Variants in DCC observed in about 807,000 individuals in gnomAD.
DCC encodes netrin receptor DCC.
A neutral mutation model predicts 172.5 loss-of-function variants in DCC; 58 were observed. The observed-to-expected ratio is 0.34, with a 90% CI of 0.27 to 0.42. DCC has a LOEUF of 0.42. DCC is among the 10% of genes least tolerant of loss of function. DCC has a pLI of 1.00. For synonymous variants in DCC, 709 were observed against 644.5 expected, an observed-to-expected ratio of 1.10 and a Z score of -1.52; for missense variants, 1,740 against 1,791.0, an observed-to-expected ratio of 0.97 and a Z score of 0.51.
chr18:53,197,543 C>T (rs1364545747), intron 9 of DCC, among the ~76,000 whole-genome samples: 1 of 150,734 alleles, frequency 6.6e-6, no homozygotes, highest in African/African-American at 2.4e-5. Flanking sequence ...CTACATATTC[C>T]CTGACACTAA....
intron 1 of DCC, among the ~76,000 whole-genome samples, chr18:52,633,141 C>A (rs1403588325): frequency 6.6e-6 from 1 of 151,884 alleles, no homozygotes; most frequent in Non-Finnish European, 1.5e-5. Flanking sequence ...CTGTCCTGTC[C>A]TGTCCTGTCC....
chr18:53,282,731 A>C (rs1217481063), intron 12 of DCC, among the ~76,000 whole-genome samples: 1 of 152,162 alleles, frequency 6.6e-6, no homozygotes, highest in Non-Finnish European at 1.5e-5. Flanking sequence ...ATGAGCTAAA[A>C]TAAGGAATCT....
chr18:52,801,715 G>A (rs2037990100), intron 2 of DCC, among the ~76,000 whole-genome samples: 1 of 152,174 alleles, frequency 6.6e-6, no homozygotes, highest in South Asian at 2.1e-4. Context: ...TCATTTTGCA[G>A]AGTATCTGTT....
chr18:53,214,022 A>C (rs913598908), intron 11 of DCC, among the ~76,000 whole-genome samples: 3 of 151,898 alleles, frequency 2.0e-5, no homozygotes, highest in Non-Finnish European at 4.4e-5. Context: ...TGTGCCTTCA[A>C]CTCTTCCTGA....
chr18:53,372,779 A>C (rs983973296), intron 15 of DCC, among the ~76,000 whole-genome samples: 10 of 147,064 alleles, frequency 6.8e-5, no homozygotes, highest in Non-Finnish European at 9.1e-5. Flanking sequence ...ACGGCCTTCC[A>C]CTCTCTTGTG....
At chr18:53,451,707 C>A (rs1233926293) in intron 23 of DCC, among the ~76,000 whole-genome samples, 2 of 135,310 alleles carry the variant, frequency 1.5e-5, no homozygotes, top group Non-Finnish European at 3.1e-5. Flanking sequence ...ATAGCTCGCT[C>A]TTGCTCTCTC....
intron 5 of DCC, among the ~76,000 whole-genome samples, chr18:52,950,169 ATC>A (rs1156729768): frequency 1.3e-5 from 2 of 152,150 alleles, no homozygotes; most frequent in Non-Finnish European, 2.9e-5. Flanking sequence ...AAATTTTTGT[ATC>A]TGTCTCCTGA....
chr18:52,840,178 C>T (rs1333999241), intron 2 of DCC, among the ~76,000 whole-genome samples: 2 of 152,190 alleles, frequency 1.3e-5, no homozygotes, highest in Non-Finnish European at 2.9e-5. Flanking sequence ...GGTCACATTT[C>T]ATTGCCCAAC....
intron 2 of DCC, among the ~76,000 whole-genome samples, chr18:52,850,086 T>C (rs567487532): frequency 5.3e-5 from 8 of 150,840 alleles, no homozygotes; most frequent in African/African-American, 1.9e-4. Context: ...TCAAGAAGTA[T>C]TTTTTTACCA....
chr18:52,578,051 C>T (rs1048156643), intron 1 of DCC, among the ~76,000 whole-genome samples: 2 of 152,218 alleles, frequency 1.3e-5, no homozygotes, highest in African/African-American at 2.4e-5. Context: ...TCTTCACACA[C>T]ATCCCTCAGG....
intron 5 of DCC, among the ~76,000 whole-genome samples, chr18:52,926,809 A>ATG (rs578166217): frequency 7.7e-4 from 109 of 141,592 alleles, no homozygotes; most frequent in African/African-American, 2.0e-3. Flanking sequence ...ACATATACAT[A>ATG]TGTGTGTGTA....
chr18:53,343,569 AT>A (rs949459541), intron 15 of DCC, among the ~76,000 whole-genome samples: 6 of 151,482 alleles, frequency 4.0e-5, no homozygotes, highest in African/African-American at 1.5e-4. Flanking sequence ...CTTATTAAGG[AT>A]TTTTTGTGCC....
chr18:52,951,457 C>T (rs1209573542), intron 5 of DCC, among the ~76,000 whole-genome samples: 2 of 151,984 alleles, frequency 1.3e-5, no homozygotes, highest in Admixed American at 6.6e-5. Context: ...CGACAGGTCC[C>T]GGTGTGTGAT....
At chr18:53,313,765 A>G (rs1484606684) in intron 13 of DCC, among the ~76,000 whole-genome samples, 2 of 152,210 alleles carry the variant, frequency 1.3e-5, no homozygotes, top group Non-Finnish European at 2.9e-5. Flanking sequence ...GGGTTCTAGC[A>G]TAGGGCATGT....
intron 13 of DCC, among the ~76,000 whole-genome samples, chr18:53,312,684 C>T (rs2057289179): frequency 6.6e-6 from 1 of 150,382 alleles, no homozygotes; most frequent in South Asian, 2.1e-4. Flanking sequence ...TGGCAGGCGC[C>T]TGTAATCCCA....
chr18:52,345,850 T>C (rs1032147240), intron 1 of DCC, among the ~76,000 whole-genome samples: 1 of 152,234 alleles, frequency 6.6e-6, no homozygotes, highest in Non-Finnish European at 1.5e-5. Context: ...ACATTCTAAC[T>C]TGTGGCCTCT....
chr18:52,413,682 T>G (rs1986918419), intron 1 of DCC, among the ~76,000 whole-genome samples: 1 of 152,154 alleles, frequency 6.6e-6, no homozygotes, highest in Non-Finnish European at 1.5e-5. Flanking sequence ...TATGAGGTTT[T>G]TAATCCTTTT....
At chr18:53,104,686 T>C (rs2043219820) in intron 7 of DCC, among the ~76,000 whole-genome samples, 1 of 152,084 alleles carries the variant, frequency 6.6e-6, no homozygotes, top group Admixed American at 6.6e-5. Flanking sequence ...GTCTGGATTA[T>C]CTTTAAAGGT....
chr18:53,283,528 G>C (rs1160999060), intron 12 of DCC, among the ~76,000 whole-genome samples: 1 of 152,074 alleles, frequency 6.6e-6, no homozygotes, highest in East Asian at 1.9e-4. Context: ...AAAGATAATA[G>C]ATAATACATA....
Sources: gnomAD v4.1 joint callset for allele counts (sites outside exome capture counted in the v4.1 genomes callset) on GRCh38, gnomAD v4.1.1 for gene constraint, MANE v1.5 for transcripts, NCBI Gene and HGNC (gene_info 2026-07-23, HGNC 2026-07-21) for gene names.